The following SNX7 variants were observed in gnomAD, a reference collection of about 807,000 sequenced individuals.
SNX7 encodes the protein sorting nexin 7, also known as sorting nexin-7.
In SNX7, 35 loss-of-function variants were observed where a neutral mutation model predicts 48.4. That is an observed-to-expected ratio of 0.72 (90% CI 0.55 to 0.96). SNX7 has a LOEUF of 0.96. Ranked by LOEUF, SNX7 falls within the 40% of genes least tolerant of loss-of-function variation. The pLI is 0.00. For synonymous variants in SNX7, 190 were observed against 190.2 expected, an observed-to-expected ratio of 1.00 and a Z score of 0.01; for missense variants, 553 against 548.9, an observed-to-expected ratio of 1.01 and a Z score of -0.07.
intron 7 of SNX7, among the ~76,000 whole-genome samples, chr1:98,706,085 A>T (rs1274320372): frequency 6.6e-6 from 1 of 152,144 alleles, no homozygotes; most frequent in African/African-American, 2.4e-5. Context: ...TTCAACAAAA[A>T]CTTTTCAGCA....
At chr1:98,675,892 A>G (rs4540678) in intron 1 of SNX7, among the ~76,000 whole-genome samples, 39,331 of 152,054 alleles carry the variant, frequency 0.26, 5,456 homozygotes, top group South Asian at 0.31. Flanking sequence ...TATTCTGCCA[A>G]AACAACTGTT....
At chr1:98,672,227 G>A (rs1649909548) in intron 1 of SNX7, among the ~76,000 whole-genome samples, 1 of 151,888 alleles carries the variant, frequency 6.6e-6, no homozygotes, top group South Asian at 2.1e-4. Flanking sequence ...TCTGCTCTCG[G>A]CTTTGACTCT....
Position 98,661,775 on chromosome 1 carries a change from T to C in SNX7, c.44T>C (p.Leu15Pro), listed in dbSNP as rs1649232192. 1 of 1,242,132 alleles carries C rather than the reference T, an allele frequency of 8.1e-7. No individual in the cohort carries two copies. The highest frequency in any genetic ancestry group is 1.0e-6 in the Non-Finnish European group (1 of 986,186). 76.9% of individuals were successfully genotyped at this position (1,242,132 alleles called of 1,614,324 possible). The change falls in exon 1 of 9, where the codon CTC (leucine) becomes CCC (proline). Residue 15 changes from leucine to proline, a missense_variant. Coordinates refer to ENST00000306121, the MANE Select transcript of SNX7 (RefSeq NM_015976.5). ...GCATCGCAGGCGCCCTCCTCGGGCC[T>C]CCCGGCCGGGGGCGCCAACGGGGAG... ...RRASQAPSSGLPAGGANGESP... is the reference protein window; with the variant it reads ...RRASQAPSSGPPAGGANGESP...
chr1:98,677,096 G>A (rs1650207913), intron 1 of SNX7, among the ~76,000 whole-genome samples: 2 of 152,152 alleles, frequency 1.3e-5, no homozygotes, highest in African/African-American at 4.8e-5. Flanking sequence ...AAAAGAAAAA[G>A]TATAGAGTTG....
At chr1:98,694,844 A>G (rs529865080) in intron 4 of SNX7, among the ~76,000 whole-genome samples, 20 of 151,640 alleles carry the variant, frequency 1.3e-4, no homozygotes, top group African/African-American at 4.4e-4. Context: ...TCCTGACCTC[A>G]TGTATGCCCT....
chr1:98,728,851 C>G (rs1053540520), intron 7 of SNX7, among the ~76,000 whole-genome samples: 2 of 152,120 alleles, frequency 1.3e-5, no homozygotes, highest in Non-Finnish European at 2.9e-5. Context: ...TAGTAGGATA[C>G]TTTAACTTAC....
chr1:98,760,019 T>C (rs1488551607), intron 8 of SNX7, 35 bp from the exon 9 acceptor site: 1 of 1,347,542 alleles, frequency 7.4e-7, no homozygotes. Flanking sequence ...AGTAAACTAT[T>C]GTTGATTGCC....
chr1:98,678,930 A>T (rs9793967), intron 1 of SNX7, among the ~76,000 whole-genome samples: 45,978 of 152,106 alleles, frequency 0.3, 7,446 homozygotes, highest in Non-Finnish European at 0.36. Flanking sequence ...GTGAGAGGGA[A>T]TGAATAAATG....
intron 2 of SNX7, among the ~76,000 whole-genome samples, chr1:98,687,588 G>A (rs1364269692): frequency 6.6e-6 from 1 of 152,082 alleles, no homozygotes; most frequent in Non-Finnish European, 1.5e-5. Flanking sequence ...CAGTGATCAG[G>A]ATAGGTCTGA....
intron 2 of SNX7, among the ~76,000 whole-genome samples, chr1:98,688,307 A>G (rs1312051275): frequency 6.6e-6 from 1 of 152,198 alleles, no homozygotes; most frequent in Non-Finnish European, 1.5e-5. Context: ...CATTTGTGGC[A>G]TCTGTTCTTT....
chr1:98,707,381 G>T (rs1040556528), intron 7 of SNX7, among the ~76,000 whole-genome samples: 1 of 152,150 alleles, frequency 6.6e-6, no homozygotes, highest in Non-Finnish European at 1.5e-5. Context: ...CAATGTGATA[G>T]ATACCATCCT....
chr1:98,722,878 A>G (rs531291360), intron 7 of SNX7, among the ~76,000 whole-genome samples: 1 of 152,298 alleles, frequency 6.6e-6, no homozygotes, highest in African/African-American at 2.4e-5. Context: ...ACGTAGATAC[A>G]CATCTATGTA....
intron 7 of SNX7, among the ~76,000 whole-genome samples, chr1:98,705,593 T>C (rs1651967104): frequency 6.6e-6 from 1 of 152,172 alleles, no homozygotes; most frequent in South Asian, 2.1e-4. Flanking sequence ...TATGGAATTA[T>C]TCATTGCAAA....
intron 7 of SNX7, among the ~76,000 whole-genome samples, chr1:98,706,610 G>A (rs1299544705): frequency 6.6e-6 from 1 of 152,166 alleles, no homozygotes; most frequent in Non-Finnish European, 1.5e-5. Flanking sequence ...ACAAGATGAT[G>A]TGCATGTGGT....
chr1:98,738,150 T>C, intron 7 of SNX7, 87 bp from the exon 8 acceptor site: 2 of 1,354,984 alleles, frequency 1.5e-6, no homozygotes, highest in South Asian at 1.4e-5. Flanking sequence ...TAGGCTGTTT[T>C]GGTATTTTGT....
At chr1:98,695,364 T>C (rs1651393517) in intron 4 of SNX7, among the ~76,000 whole-genome samples, 154 bp from the exon 5 acceptor site, 1 of 152,214 alleles carries the variant, frequency 6.6e-6, no homozygotes, top group Non-Finnish European at 1.5e-5. Context: ...TGTACCTTAA[T>C]AAAGCTCATC....
At chr1:98,719,861 CTA>C (rs1174635215) in intron 7 of SNX7, among the ~76,000 whole-genome samples, 1 of 82,386 alleles carries the variant, frequency 1.2e-5, no homozygotes, top group Non-Finnish European at 2.6e-5. Flanking sequence ...TTTGAGTCAA[CTA>C]TATATATAAA....
chr1:98,711,422 A>C (rs1460670252), intron 7 of SNX7, among the ~76,000 whole-genome samples: 1 of 152,200 alleles, frequency 6.6e-6, no homozygotes. Flanking sequence ...GATTTATTAC[A>C]GGCATACCTT....
At chr1:98,736,392 T>G (rs1361565144) in intron 7 of SNX7, among the ~76,000 whole-genome samples, 1 of 152,094 alleles carries the variant, frequency 6.6e-6, no homozygotes, top group African/African-American at 2.4e-5. Context: ...GTCCCTGAGG[T>G]CTCCTAGCAG....
Sources: gnomAD v4.1 joint callset for allele counts (sites outside exome capture counted in the v4.1 genomes callset) on GRCh38, gnomAD v4.1.1 for gene constraint, MANE v1.5 for transcripts, NCBI Gene and HGNC (gene_info 2026-07-23, HGNC 2026-07-21) for gene names.